The following FBN2 variants were observed in gnomAD, a reference collection of about 807,000 sequenced individuals.
The protein encoded by FBN2 is fibrillin-2.
Under a neutral mutation model 355.6 loss-of-function variants are expected in FBN2, and 105 were observed. The observed-to-expected ratio is 0.30, with a 90% confidence interval of 0.25 to 0.35. FBN2 has a LOEUF of 0.35. Ranked by LOEUF, FBN2 falls within the 10% of genes least tolerant of loss-of-function variation. FBN2 has a pLI of 1.00. For synonymous variants in FBN2, 1,350 were observed against 1,301.2 expected, an observed-to-expected ratio of 1.04 and a Z score of -0.81; for missense variants, 3,280 against 3,758.7, an observed-to-expected ratio of 0.87 and a Z score of 3.33.
chr5:128,370,352 TC>T (rs1346968240), intron 15 of FBN2, among the ~76,000 whole-genome samples: 3 of 152,188 alleles, frequency 2.0e-5, no homozygotes, highest in Non-Finnish European at 4.4e-5. Flanking sequence ...GGAAAAAATT[TC>T]ATCTGCTTGT....
intron 56 of FBN2, among the ~76,000 whole-genome samples, chr5:128,279,747 A>T (rs897514950): frequency 2.0e-5 from 3 of 152,202 alleles, no homozygotes; most frequent in Non-Finnish European, 2.9e-5. Flanking sequence ...TCTGAGATGT[A>T]TATTTCCCAT....
At chr5:128,503,740 T>C (rs950141663) in intron 5 of FBN2, among the ~76,000 whole-genome samples, 1 of 152,080 alleles carries the variant, frequency 6.6e-6, no homozygotes, top group African/African-American at 2.4e-5. Context: ...CCTGACAATG[T>C]GATAGAAAAG....
chr5:128,428,206 T>G (rs1424734402), intron 7 of FBN2, among the ~76,000 whole-genome samples: 1 of 152,168 alleles, frequency 6.6e-6, no homozygotes, highest in African/African-American at 2.4e-5. Flanking sequence ...GCTTCCCCAC[T>G]TGTTCCCTTA....
chr5:128,345,638 A>G (rs892178697), intron 23 of FBN2, 54 bp from the exon 24 acceptor site: 1 of 1,494,578 alleles, frequency 6.7e-7, no homozygotes, highest in South Asian at 1.1e-5. Context: ...TCCATTGAAC[A>G]GTCACATGTC....
intron 5 of FBN2, among the ~76,000 whole-genome samples, chr5:128,466,761 G>C (rs1463661951): frequency 1.3e-5 from 2 of 152,120 alleles, no homozygotes; most frequent in African/African-American, 4.8e-5. Context: ...AGATGTGCTG[G>C]CTGCAAGTCT....
chr5:128,409,843 A>G (rs931522151), intron 7 of FBN2, among the ~76,000 whole-genome samples: 1 of 152,212 alleles, frequency 6.6e-6, no homozygotes, highest in African/African-American at 2.4e-5. Context: ...AGGAAAAATA[A>G]TTATATTCCT....
chr5:128,510,090 C>T (rs1348752728), intron 5 of FBN2, among the ~76,000 whole-genome samples: 1 of 152,134 alleles, frequency 6.6e-6, no homozygotes, highest in Non-Finnish European at 1.5e-5. Context: ...AGAACTCTAG[C>T]CATCTTGATC....
intron 7 of FBN2, among the ~76,000 whole-genome samples, chr5:128,432,261 C>T (rs1232066883): frequency 6.6e-6 from 1 of 152,008 alleles, no homozygotes; most frequent in African/African-American, 2.4e-5. Flanking sequence ...TTTCTTATAG[C>T]TTATTAATAT....
At chr5:128,342,459 T>G (rs1751049545) in intron 25 of FBN2, among the ~76,000 whole-genome samples, 1 of 151,740 alleles carries the variant, frequency 6.6e-6, no homozygotes, top group African/African-American at 2.4e-5. Context: ...AAATGGCTGG[T>G]TGAAAGAGAG....
Position 128,536,421 on chromosome 5 carries a change from T to G in FBN2, c.318A>C (p.Gly106=). Residue 106 remains glycine (G), a synonymous_variant, in exon 2 of 65, where the codon GGA becomes GGC. Coordinates refer to ENST00000262464, the MANE Select transcript of FBN2 (RefSeq NM_001999.4). ...ACTCACGGACAATGCACTGGTTTCCTCCAGGGAGCGTCTTCCATCCAGGGC... is the reference window on the plus strand; with the variant it reads ...ACTCACGGACAATGCACTGGTTTCCGCCAGGGAGCGTCTTCCATCCAGGGC... ...YCCPGWKTLP[G]GNQCIVPICR... The G allele has an allele frequency of 6.2e-7, 1 of 1,614,046 alleles. No individual in the cohort carries two copies. Among genetic ancestry groups the G allele is most frequent in the Non-Finnish European group, 8.5e-7 (1 of 1,179,990 alleles).
chr5:128,499,010 A>C (rs1755732891), intron 5 of FBN2, among the ~76,000 whole-genome samples: 1 of 152,218 alleles, frequency 6.6e-6, no homozygotes, highest in African/African-American at 2.4e-5. Context: ...ATAGTAACCA[A>C]GCCAAGATTC....
At chr5:128,423,634 A>C (rs1164452567) in intron 7 of FBN2, among the ~76,000 whole-genome samples, 1 of 152,204 alleles carries the variant, frequency 6.6e-6, no homozygotes, top group Non-Finnish European at 1.5e-5. Flanking sequence ...AAGGAACTAA[A>C]TAAATCTACC....
chr5:128,314,196 C>T (rs1581209691), intron 36 of FBN2, among the ~76,000 whole-genome samples: 1 of 152,082 alleles, frequency 6.6e-6, no homozygotes, highest in East Asian at 1.9e-4. Flanking sequence ...ATCATTTGGG[C>T]TTTTTAAAAA....
intron 6 of FBN2, among the ~76,000 whole-genome samples, chr5:128,463,884 T>C (rs1581319316): frequency 6.6e-6 from 1 of 152,180 alleles, no homozygotes; most frequent in African/African-American, 2.4e-5. Context: ...ATATTATTTA[T>C]GTGAATAATA....
intron 27 of FBN2, 32 bp from the exon 28 acceptor site, chr5:128,336,145 A>G (rs1273196215): frequency 1.2e-6 from 2 of 1,608,246 alleles, no homozygotes; most frequent in Non-Finnish European, 1.7e-6. Context: ...AATGCTTTAC[A>G]CAATGTCCAC....
chr5:128,296,370 T>C (rs1315135883), intron 48 of FBN2, among the ~76,000 whole-genome samples: 1 of 152,016 alleles, frequency 6.6e-6, no homozygotes, highest in East Asian at 1.9e-4. Context: ...TTAGGGAGGA[T>C]TCCCTCTTTT....
rs947647697 is a variant in FBN2 at position 128,299,181 on chromosome 5, T to C, written c.6166+1636A>G. Among the ~76,000 whole-genome samples the C allele has an allele frequency of 8.6e-5, 13 of 151,966 alleles. 1 individual carries two copies. Among genetic ancestry groups the C allele is most frequent in the African/African-American group, 3.1e-4 (13 of 41,402 alleles). ...GTCAGGGACCCACTTGAGGAGGCAG[T>C]CTGCCCGTTCTCAGATCTCCAGCTG... On this transcript the variant is annotated intron_variant, in intron 48 of 64. Transcript: ENST00000262464.
rs751415811 is a variant in FBN2, at chr5:128,289,198, T to C, written c.6566A>G (p.Asn2189Ser). ...PGICSNGQCI[N>S]TDGSFRCECP... ...TTCACAGCGAAAAGATCCGTCGGTG[T>C]TGATACATTGACCATTTGAACAAAT... Residue 2189 changes from asparagine (N) to serine (S), a missense_variant, in exon 52 of 65, where the codon AAC becomes AGC. By Grantham distance (46) the Asn-to-Ser change is conservative. Transcript: ENST00000262464. 1 of 1,613,952 alleles carries C rather than the reference T, an allele frequency of 6.2e-7. No homozygotes were observed. The highest frequency in any genetic ancestry group is 8.5e-7 in the Non-Finnish European group (1 of 1,179,766).
chr5:128,412,840 G>C (rs1487896384), intron 7 of FBN2, among the ~76,000 whole-genome samples: 2 of 152,166 alleles, frequency 1.3e-5, no homozygotes, highest in Non-Finnish European at 2.9e-5. Flanking sequence ...TGTTTAATGT[G>C]GACAGATGAT....
Sources: allele counts gnomAD v4.1 joint callset (sites outside exome capture counted in the v4.1 genomes callset), GRCh38; gene constraint gnomAD v4.1.1; transcripts MANE v1.5; gene names NCBI Gene and HGNC (gene_info 2026-07-23, HGNC 2026-07-21).